The following UVRAG variants were observed in gnomAD, a reference collection of about 807,000 sequenced individuals.
UVRAG encodes UV radiation resistance associated, also known as UV radiation resistance-associated gene protein.
In UVRAG, 19 loss-of-function variants were observed where a neutral mutation model predicts 78.0. The observed-to-expected ratio is 0.24, with a 90% CI of 0.17 to 0.36. The LOEUF is 0.36. Ranked by LOEUF, UVRAG falls within the 10% of genes least tolerant of loss-of-function variation. The pLI is 1.00. For synonymous variants in UVRAG, 323 were observed against 324.6 expected (o/e 1.00, Z 0.05); for missense variants, 740 against 853.8 (o/e 0.87, Z 1.66).
At chr11:75,900,029 A>G (rs1236235610) in intron 5 of UVRAG, among the ~76,000 whole-genome samples, 2 of 152,234 alleles carry the variant, frequency 1.3e-5, no homozygotes, top group Non-Finnish European at 2.9e-5. Flanking sequence ...TTGAAGCCAG[A>G]GAATAATCTG....
At position 75,943,402 on chromosome 11, in the gene UVRAG, G is replaced by A. The variant is rs1055328571; in HGVS notation, c.594-18042G>A. ...ATATCTGTAGTTTGTTTTGTTTATT[G>A]TTTCTAATTCTGAAGTGCTTTTCTG... is the stretch of plus-strand genomic sequence containing the variant. On this transcript the variant is annotated intron_variant, in intron 6 of 14. Transcript: ENST00000356136. Among the ~76,000 whole-genome samples the A allele has an allele frequency of 8.8e-5, 13 of 147,142 alleles. 1 individual carries two copies. Among genetic ancestry groups the A allele is most frequent in the Admixed American group, 8.8e-4 (13 of 14,772 alleles).
chr11:75,998,457 A>G (rs1238418682), intron 8 of UVRAG, among the ~76,000 whole-genome samples: 1 of 152,250 alleles, frequency 6.6e-6, no homozygotes, highest in Non-Finnish European at 1.5e-5. Flanking sequence ...TTTTCCTTCC[A>G]GCCTCTGCCT....
intron 6 of UVRAG, among the ~76,000 whole-genome samples, chr11:75,943,032 A>G (rs1948516489): frequency 6.6e-6 from 1 of 152,010 alleles, no homozygotes; most frequent in Non-Finnish European, 1.5e-5. Flanking sequence ...CTGCACTCCA[A>G]TCTGGGTGAC....
chr11:75,875,886 A>T (rs577701486), intron 3 of UVRAG, among the ~76,000 whole-genome samples: 3 of 152,296 alleles, frequency 2.0e-5, no homozygotes, highest in Admixed American at 2.0e-4. Context: ...TAAGAATGCC[A>T]AAACTGGCCA....
chr11:76,142,106 C>T lies in UVRAG; in HGVS notation c.*693C>T. 6.6e-6 allele frequency: 1 copy of T among 152,442 alleles called. No homozygotes were observed. The allele number at this position is 152,442 out of a possible 1,614,324, so 9.4% of individuals were successfully genotyped here. On this transcript the variant is annotated 3_prime_UTR_variant, in exon 15 of 15. Transcript: ENST00000356136. ...CCAGCCATGGCCTTCCCCTCCTCTGCCATACCCTTAATGCGGCCCTCAGAT... is the reference window on the plus strand; with the variant it reads ...CCAGCCATGGCCTTCCCCTCCTCTGTCATACCCTTAATGCGGCCCTCAGAT...
At chr11:76,129,645 T>C (rs947402519) in intron 14 of UVRAG, among the ~76,000 whole-genome samples, 1 of 152,200 alleles carries the variant, frequency 6.6e-6, no homozygotes, top group African/African-American at 2.4e-5. Context: ...CAAAAACCTT[T>C]GTTCCTCCTT....
chr11:75,897,135 T>C (rs1330704356), intron 5 of UVRAG, among the ~76,000 whole-genome samples: 2 of 152,200 alleles, frequency 1.3e-5, no homozygotes, highest in Non-Finnish European at 2.9e-5. Flanking sequence ...AAATAGCAAT[T>C]TGGTGATGAA....
intron 12 of UVRAG, 132 bp from the exon 13 acceptor site, chr11:76,065,578 G>A (rs760891330): frequency 5.8e-5 from 39 of 675,176 alleles, no homozygotes; most frequent in Admixed American, 3.7e-4. Context: ...AGATTGCAAT[G>A]ACTATAGCTA....
intron 13 of UVRAG, among the ~76,000 whole-genome samples, chr11:76,078,455 A>T (rs56952990): frequency 0.096 from 14,641 of 151,890 alleles, 1,607 homozygotes; most frequent in African/African-American, 0.27. Flanking sequence ...TTGGTTTAAA[A>T]ATATATATAT....
chr11:76,028,652 A>G (rs1013827779), intron 12 of UVRAG, among the ~76,000 whole-genome samples: 2 of 152,204 alleles, frequency 1.3e-5, no homozygotes, highest in African/African-American at 4.8e-5. Context: ...CAACATTCCC[A>G]TAAGCCAAAG....
chr11:76,142,606 A>G lies in UVRAG; in HGVS notation c.*1193A>G, dbSNP rs549176546. On this transcript the variant is annotated 3_prime_UTR_variant, in exon 15 of 15. Coordinates refer to ENST00000356136, the MANE Select transcript of UVRAG (RefSeq NM_003369.4). Reference sequence around the variant, plus strand: ...AAACTCTTTAAAGGAAAATTTATCCATATATCCATGTATTATATAGAAGAA... The same window carrying G: ...AAACTCTTTAAAGGAAAATTTATCCGTATATCCATGTATTATATAGAAGAA... 5.0e-4 allele frequency: 76 copies of G among 152,734 alleles called. No individual in the cohort carries two copies. Among genetic ancestry groups the G allele is most frequent in the African/African-American group, 1.7e-3 (70 of 41,580 alleles). 9.5% of individuals were successfully genotyped at this position (152,734 alleles called of 1,614,324 possible). A position where few individuals can be genotyped will look rare whatever the true frequency, so the allele number is the denominator to read the frequency against.
chr11:76,141,192 T>C lies in UVRAG; in HGVS notation c.1879T>C (p.Cys627Arg), dbSNP rs760068262. The part of the protein sequence containing the change: ...FHPVSEAELC[C>R]TVEQAEEIIG... Reference sequence around the variant, plus strand: ...CCCAGTCTCAGAAGCTGAGCTCTGCTGTACTGTGGAGCAAGCAGAAGAAAT... The same window carrying C: ...CCCAGTCTCAGAAGCTGAGCTCTGCCGTACTGTGGAGCAAGCAGAAGAAAT... The change falls in exon 15 of 15, where the codon TGT becomes CGT. Residue 627 changes from cysteine to arginine, a missense_variant. Coordinates refer to ENST00000356136, the MANE Select transcript of UVRAG (RefSeq NM_003369.4). 6.2e-6 allele frequency: 10 copies of C among 1,614,024 alleles called. No homozygotes were observed. Among genetic ancestry groups the C allele is most frequent in the Admixed American group, 1.7e-5 (1 of 60,000 alleles).
chr11:75,996,699 A>G (rs913783791), intron 8 of UVRAG, among the ~76,000 whole-genome samples: 2 of 152,126 alleles, frequency 1.3e-5, no homozygotes, highest in Non-Finnish European at 2.9e-5. Context: ...TAAGAATGAA[A>G]TTCTCCCCAT....
intron 12 of UVRAG, among the ~76,000 whole-genome samples, chr11:76,054,084 G>A (rs1014717539): frequency 6.6e-6 from 1 of 151,980 alleles, no homozygotes; most frequent in Non-Finnish European, 1.5e-5. Context: ...GATCTTAGCA[G>A]CCTAATCTTA....
At chr11:76,133,320 G>A (rs1008445696) in intron 14 of UVRAG, among the ~76,000 whole-genome samples, 5 of 152,172 alleles carry the variant, frequency 3.3e-5, no homozygotes, top group Non-Finnish European at 7.3e-5. Context: ...GTTTCCTAAC[G>A]ATGGAGCTAC....
chr11:75,930,927 T>TTTTCTTTCCTTCTTTCTTTCTTTC (rs1555089487), intron 6 of UVRAG: 1 of 117,404 alleles, frequency 8.5e-6, no homozygotes, highest in African/African-American at 3.2e-5. Context: ...AGTGTCGGGA[T>TTTTCTTTCCTTCTTTCTTTCTTTC]TTTCTTTCTT....
intron 14 of UVRAG, among the ~76,000 whole-genome samples, chr11:76,133,959 T>TTTC (rs1952557996): frequency 7.6e-6 from 1 of 131,644 alleles, no homozygotes; most frequent in African/African-American, 3.1e-5. Context: ...TTTTCTTTTC[T>TTTC]TTTTTTTTTT....
chr11:76,007,542 T>G lies in UVRAG; in HGVS notation c.920T>G (p.Phe307Cys). ...RKECTAKREL[F>C]LKTNAQLTIR... is the part of the protein sequence containing the mutation. ...TTTTCTTTCCTCATTAGAGAACTCTTCTTGAAGACTAATGCTCAGTTGACA... is the reference window on the plus strand; with the variant it reads ...TTTTCTTTCCTCATTAGAGAACTCTGCTTGAAGACTAATGCTCAGTTGACA... The change falls in exon 10 of 15, where the codon TTC becomes TGC. Residue 307 changes from phenylalanine to cysteine, a missense_variant. Transcript: ENST00000356136. 6.2e-7 allele frequency: 1 copy of G among 1,613,012 alleles called. No individual in the cohort carries two copies. The highest frequency in any genetic ancestry group is 1.7e-4 in the Middle Eastern group (1 of 6,022).
intron 5 of UVRAG, among the ~76,000 whole-genome samples, chr11:75,902,353 C>T (rs1947522577): frequency 6.6e-6 from 1 of 152,144 alleles, no homozygotes; most frequent in South Asian, 2.1e-4. Context: ...AACGCACAAC[C>T]TAGATCCCTT....
Sources: allele counts gnomAD v4.1 joint callset (sites outside exome capture counted in the v4.1 genomes callset), GRCh38; gene constraint gnomAD v4.1.1; transcripts MANE v1.5; gene names NCBI Gene and HGNC (gene_info 2026-07-23, HGNC 2026-07-21).